Variants in EYS observed in about 807,000 individuals in gnomAD.
EYS encodes protein eyes shut homolog.
In EYS, 250 loss-of-function variants were observed where a neutral mutation model predicts 282.1. That is an observed-to-expected ratio of 0.89 (90% CI 0.80 to 0.98). The LOEUF is 0.98. EYS is among the 50% of genes least tolerant of loss of function. The probability of loss-of-function intolerance (pLI) is 0.00; values close to 1 mark genes in which losing one functional copy is unlikely to be tolerated. For synonymous variants in EYS, 1,355 were observed against 1,282.9 expected (o/e 1.06, Z -1.20); for missense variants, 4,016 against 3,709.0 (o/e 1.08, Z -2.15).
At chr6:64,663,890 A>G (rs1468958924) in intron 22 of EYS, among the ~76,000 whole-genome samples, 1 of 152,180 alleles carries the variant, frequency 6.6e-6, no homozygotes, top group East Asian at 1.9e-4. Context: ...GTCACGGAAG[A>G]GAACCATGGA....
intron 22 of EYS, among the ~76,000 whole-genome samples, chr6:64,729,849 A>C (rs956428418): frequency 6.6e-6 from 1 of 152,236 alleles, no homozygotes; most frequent in African/African-American, 2.4e-5. Context: ...TAATTTTAAA[A>C]GTTACTTAAT....
At chr6:64,954,824 C>A (rs958067625) in intron 14 of EYS, among the ~76,000 whole-genome samples, 6 of 151,934 alleles carry the variant, frequency 3.9e-5, no homozygotes, top group Admixed American at 1.3e-4. Context: ...TCAGTACATA[C>A]AAAAATCAGT....
At chr6:64,080,962 T>C (rs1278199695) in intron 32 of EYS, among the ~76,000 whole-genome samples, 1 of 152,012 alleles carries the variant, frequency 6.6e-6, no homozygotes, top group Non-Finnish European at 1.5e-5. Context: ...TACTGTAGCC[T>C]TGTAGGATAG....
At chr6:63,731,462 T>C (rs530374585) in intron 41 of EYS, among the ~76,000 whole-genome samples, 2 of 152,342 alleles carry the variant, frequency 1.3e-5, no homozygotes, top group South Asian at 4.1e-4. Context: ...TTGTCATTTT[T>C]CTTTCAACTT....
intron 5 of EYS, among the ~76,000 whole-genome samples, chr6:65,432,232 T>G (rs1165227770): frequency 6.6e-6 from 1 of 152,150 alleles, no homozygotes; most frequent in Non-Finnish European, 1.5e-5. Flanking sequence ...AAGTTAATTA[T>G]TTATATGAAA....
At chr6:64,068,498 G>A (rs775168588) in intron 32 of EYS, among the ~76,000 whole-genome samples, 17 of 110,906 alleles carry the variant, frequency 1.5e-4, no homozygotes, top group Non-Finnish European at 2.3e-4. Flanking sequence ...TTCATGTCAT[G>A]TTTAAATGTT....
At chr6:64,534,773 C>T (rs1764466753) in intron 26 of EYS, among the ~76,000 whole-genome samples, 1 of 151,798 alleles carries the variant, frequency 6.6e-6, no homozygotes, top group Non-Finnish European at 1.5e-5. Flanking sequence ...TAATTCAACA[C>T]ATTCTGAGGA....
At chr6:64,509,176 T>G (rs1398105706) in intron 26 of EYS, among the ~76,000 whole-genome samples, 1 of 152,188 alleles carries the variant, frequency 6.6e-6, no homozygotes, top group African/African-American at 2.4e-5. Flanking sequence ...TTTAATACTT[T>G]TAAAAGGCAT....
intron 15 of EYS, among the ~76,000 whole-genome samples, chr6:64,930,965 TA>T (rs1361620018): frequency 6.6e-6 from 1 of 152,132 alleles, no homozygotes; most frequent in Non-Finnish European, 1.5e-5. Context: ...AGAAGGCAGT[TA>T]AATTTTAAAC....
chr6:64,400,173 A>T (rs550830163), intron 28 of EYS: 2 of 152,134 alleles, frequency 1.3e-5, no homozygotes, highest in African/African-American at 4.8e-5. Context: ...GAGAATTTCT[A>T]TTCATTGTCA....
intron 7 of EYS, among the ~76,000 whole-genome samples, chr6:65,401,436 C>T (rs533592975): frequency 6.7e-5 from 10 of 150,224 alleles, no homozygotes; most frequent in African/African-American, 2.4e-4. Flanking sequence ...AGTACATTCA[C>T]TAATCTACTA....
chr6:65,019,288 A>T (rs1772166485), intron 13 of EYS, among the ~76,000 whole-genome samples: 1 of 152,182 alleles, frequency 6.6e-6, no homozygotes, highest in African/African-American at 2.4e-5. Context: ...TTAATTGAAC[A>T]TTATATCTCT....
chr6:64,522,382 G>A (rs1428694770), intron 26 of EYS, among the ~76,000 whole-genome samples: 2 of 151,716 alleles, frequency 1.3e-5, no homozygotes, highest in African/African-American at 4.8e-5. Flanking sequence ...GTGTTAGAAT[G>A]TAGAAAAGAA....
At chr6:65,379,231 A>G (rs934107371) in intron 8 of EYS, among the ~76,000 whole-genome samples, 1 of 152,106 alleles carries the variant, frequency 6.6e-6, no homozygotes, top group African/African-American at 2.4e-5. Context: ...AATACTGGCA[A>G]ATGGAATCCA....
chr6:64,650,932 T>C (rs1202614047), intron 22 of EYS, among the ~76,000 whole-genome samples: 1 of 151,998 alleles, frequency 6.6e-6, no homozygotes, highest in Non-Finnish European at 1.5e-5. Context: ...TATAAAAATG[T>C]ATCTTCACGT....
intron 12 of EYS, among the ~76,000 whole-genome samples, chr6:65,181,822 G>C (rs577426129): frequency 6.6e-6 from 1 of 151,904 alleles, no homozygotes; most frequent in Non-Finnish European, 1.5e-5. Flanking sequence ...TGTCCAACAA[G>C]GATAGACTGG....
chr6:64,753,200 A>C (rs1274856889), intron 22 of EYS, among the ~76,000 whole-genome samples: 1 of 152,124 alleles, frequency 6.6e-6, no homozygotes, highest in Non-Finnish European at 1.5e-5. Flanking sequence ...GAGACTGCAA[A>C]GCGACCAGGT....
chr6:65,301,257 A>T (rs879820138), intron 11 of EYS, among the ~76,000 whole-genome samples: 2 of 151,952 alleles, frequency 1.3e-5, no homozygotes, highest in Non-Finnish European at 2.9e-5. Flanking sequence ...GCACTTTGGG[A>T]GGCCGAGGCG....
At chr6:64,139,605 A>T (rs114384532) in intron 31 of EYS, among the ~76,000 whole-genome samples, 4,269 of 152,288 alleles carry the variant, frequency 0.028, 64 homozygotes, top group Non-Finnish European at 0.045. Flanking sequence ...TAGAAAGGTT[A>T]TCAATATGGG....
Sources: allele counts gnomAD v4.1 joint callset (sites outside exome capture counted in the v4.1 genomes callset), GRCh38; gene constraint gnomAD v4.1.1; transcripts MANE v1.5; gene names NCBI Gene and HGNC (gene_info 2026-07-23, HGNC 2026-07-21).